Variants in EFCAB13 observed in about 807,000 individuals in gnomAD.
EFCAB13 encodes EF-hand calcium-binding domain-containing protein 13.
In EFCAB13, 91 loss-of-function variants were observed where a neutral mutation model predicts 110.2. The observed-to-expected ratio is 0.83, with a 90% CI of 0.70 to 0.98. The LOEUF (loss-of-function observed/expected upper bound fraction) is 0.98, where lower values mean the gene tolerates loss of function less well. Ranked by LOEUF, EFCAB13 falls within the 50% of genes least tolerant of loss-of-function variation. The probability of loss-of-function intolerance (pLI) is 0.00; values close to 1 mark genes in which losing one functional copy is unlikely to be tolerated. For synonymous variants in EFCAB13, 323 were observed against 369.9 expected, an observed-to-expected ratio of 0.87 and a Z score of 1.45; for missense variants, 968 against 1,119.4, an observed-to-expected ratio of 0.86 and a Z score of 1.93.
At chr17:47,436,680 A>T (rs1356446178) in intron 24 of EFCAB13, among the ~76,000 whole-genome samples, 1 of 150,554 alleles carries the variant, frequency 6.6e-6, no homozygotes, top group Non-Finnish European at 1.5e-5. Flanking sequence ...GGTTAATCTC[A>T]CCAGTGGTCT....
chr17:47,351,310 C>CGTGTGT (rs1373645381), intron 9 of EFCAB13, among the ~76,000 whole-genome samples: 11 of 133,018 alleles, frequency 8.3e-5, no homozygotes, highest in African/African-American at 3.1e-4. Context: ...TGTGTGCGCG[C>CGTGTGT]GCGCGCGCGC....
chr17:47,391,145 TGCCCAAGCTGCTTTCAAATCCCTG>T (rs2065705240), intron 14 of EFCAB13, among the ~76,000 whole-genome samples: 1 of 152,160 alleles, frequency 6.6e-6, no homozygotes, highest in East Asian at 1.9e-4. Context: ...CTTGCTTTGT[TGCCCAAGCTGCTTTCAAATCCCTG>T]GCCTCAAGTG....
intron 24 of EFCAB13, among the ~76,000 whole-genome samples, chr17:47,432,877 G>C (rs1905144824): frequency 6.6e-6 from 1 of 152,130 alleles, no homozygotes; most frequent in Non-Finnish European, 1.5e-5. Context: ...TTTAAAGATA[G>C]TACAGAGTTC....
intron 3 of EFCAB13, 190 bp from the exon 4 acceptor site, chr17:47,328,079 T>C (rs559921200): frequency 1.5e-5 from 7 of 474,148 alleles, no homozygotes; most frequent in Admixed American, 4.0e-5. Flanking sequence ...AGTTAAGGAA[T>C]TGGATGATCT....
chr17:47,355,798 C>G (rs188848238), intron 9 of EFCAB13, among the ~76,000 whole-genome samples: 1 of 152,122 alleles, frequency 6.6e-6, no homozygotes, highest in African/African-American at 2.4e-5. Context: ...GCCTCGATTG[C>G]TTGACCTCAT....
chr17:47,388,776 A>G (rs1009050135), intron 14 of EFCAB13, among the ~76,000 whole-genome samples: 2 of 152,176 alleles, frequency 1.3e-5, no homozygotes, highest in African/African-American at 4.8e-5. Flanking sequence ...GATTCCTAAG[A>G]GAAGAATTTT....
At chr17:47,344,402 A>T in intron 7 of EFCAB13, 110 bp downstream of exon 7, 1 of 1,319,924 alleles carries the variant, frequency 7.6e-7, no homozygotes, top group South Asian at 1.5e-5. Context: ...GTTTATGCTA[A>T]TTATGCTGTT....
At chr17:47,398,512 T>C (rs1356214501) in intron 17 of EFCAB13, among the ~76,000 whole-genome samples, 1 of 151,666 alleles carries the variant, frequency 6.6e-6, no homozygotes. Flanking sequence ...TTTTGTTCTG[T>C]ACTAAGAAAA....
chr17:47,336,191 G>A lies in EFCAB13; in HGVS notation c.191+835G>A, dbSNP rs377437439. Among the ~76,000 whole-genome samples the A allele has an allele frequency of 1.5e-4, 23 of 151,214 alleles. 1 individual carries two copies. The South Asian group carries it at 4.8e-3, about 32-fold the overall frequency. On this transcript the variant is annotated intron_variant, in intron 5 of 24. Coordinates refer to ENST00000331493, the MANE Select transcript of EFCAB13 (RefSeq NM_152347.5). ...ACCCAGGCTGGAGTGCAGTGGCGCAGCCATGGCTCACTGCAACCTCCACCT... is the reference window on the plus strand; with the variant it reads ...ACCCAGGCTGGAGTGCAGTGGCGCAACCATGGCTCACTGCAACCTCCACCT...
chr17:47,397,274 G>C (rs978823782), intron 17 of EFCAB13, among the ~76,000 whole-genome samples: 14 of 152,288 alleles, frequency 9.2e-5, no homozygotes, highest in African/African-American at 2.9e-4. Context: ...TCGGCCTCCC[G>C]GGGTGCCGGG....
intron 23 of EFCAB13, among the ~76,000 whole-genome samples, chr17:47,422,616 A>G (rs1203912318): frequency 6.6e-6 from 1 of 152,220 alleles, no homozygotes; most frequent in Non-Finnish European, 1.5e-5. Context: ...TGCCACAAAC[A>G]ATTATAAAAT....
intron 10 of EFCAB13, among the ~76,000 whole-genome samples, chr17:47,367,406 G>A (rs774406208): frequency 7.1e-4 from 108 of 152,294 alleles, no homozygotes; most frequent in Non-Finnish European, 1.3e-3. Context: ...CAGGATGGCT[G>A]GGCCACTCCC....
intron 24 of EFCAB13, chr17:47,430,234 G>C (rs879386097): frequency 1.9e-4 from 203 of 1,049,278 alleles, no homozygotes; most frequent in Non-Finnish European, 2.3e-4. Flanking sequence ...ATGCACAGTG[G>C]TCAATCAGAA....
At chr17:47,397,079 C>T in intron 17 of EFCAB13, among the ~76,000 whole-genome samples, 1 of 139,804 alleles carries the variant, frequency 7.2e-6, no homozygotes, top group South Asian at 2.7e-4. Context: ...CTGGACTGTA[C>T]TGCTGCCATC....
intron 9 of EFCAB13, among the ~76,000 whole-genome samples, chr17:47,359,311 G>A (rs2065497377): frequency 6.6e-6 from 1 of 151,942 alleles, no homozygotes; most frequent in African/African-American, 2.4e-5. Flanking sequence ...TCCAGCCTGG[G>A]CTACAGAGAG....
chr17:47,331,262 G>C (rs974326884), intron 4 of EFCAB13, among the ~76,000 whole-genome samples: 1 of 151,922 alleles, frequency 6.6e-6, no homozygotes, highest in Admixed American at 6.6e-5. Flanking sequence ...CTGTGTAAGA[G>C]CTTCTGAATT....
At chr17:47,397,163 C>G (rs904833770) in intron 17 of EFCAB13, among the ~76,000 whole-genome samples, 40 of 152,024 alleles carry the variant, frequency 2.6e-4, no homozygotes, top group Admixed American at 2.2e-3. Context: ...AGGCGCGCGC[C>G]GCCACGCCTG....
At chr17:47,384,502 G>A (rs1487535127) in intron 14 of EFCAB13, among the ~76,000 whole-genome samples, 2 of 151,038 alleles carry the variant, frequency 1.3e-5, no homozygotes, top group Non-Finnish European at 2.9e-5. Flanking sequence ...TTAATATTTA[G>A]TGCTTCCTTC....
chr17:47,399,310 T>C (rs763512202), intron 17 of EFCAB13, among the ~76,000 whole-genome samples: 5 of 152,220 alleles, frequency 3.3e-5, no homozygotes, highest in Non-Finnish European at 7.3e-5. Context: ...TTGAAAACTG[T>C]ATCTGTACGC....
Sources: allele counts gnomAD v4.1 joint callset (sites outside exome capture counted in the v4.1 genomes callset), GRCh38; gene constraint gnomAD v4.1.1; transcripts MANE v1.5; gene names NCBI Gene and HGNC (gene_info 2026-07-23, HGNC 2026-07-21).